The following FARSB variants were observed in gnomAD, a reference collection of about 807,000 sequenced individuals.
FARSB encodes the protein phenylalanine--tRNA ligase beta subunit.
In FARSB, 40 loss-of-function variants were observed where a neutral mutation model predicts 69.6. That is an observed-to-expected ratio of 0.57 (90% CI 0.45 to 0.75). The LOEUF (loss-of-function observed/expected upper bound fraction) is 0.75, where lower values mean the gene tolerates loss of function less well. Ranked by LOEUF, FARSB falls within the 30% of genes least tolerant of loss-of-function variation. The probability of loss-of-function intolerance (pLI) is 0.00; values close to 1 mark genes in which losing one functional copy is unlikely to be tolerated. For missense variants in FARSB, 632 were observed against 722.9 expected, an observed-to-expected ratio of 0.87 and a Z score of 1.44; for synonymous variants, 235 against 247.2, an observed-to-expected ratio of 0.95 and a Z score of 0.46.
chr2:222,571,798 G>A lies in FARSB; in HGVS notation c.*73C>T. On this transcript the variant is annotated 3_prime_UTR_variant, in exon 17 of 17. Transcript: ENST00000281828. ...AAAGCCCAAATAGATGTTCCCTGTG[G>A]AGGAGGACTTAAGGACACTAGGGGA... 2 of 1,290,352 alleles carry A rather than the reference G, an allele frequency of 1.5e-6. No individual in the cohort carries two copies. The highest frequency in any genetic ancestry group is 2.2e-6 in the Non-Finnish European group (2 of 921,462). 79.9% of individuals were successfully genotyped at this position (1,290,352 alleles called of 1,614,324 possible).
chr2:222,646,269 C>G (rs1691853825), intron 2 of FARSB, among the ~76,000 whole-genome samples: 1 of 152,204 alleles, frequency 6.6e-6, no homozygotes, highest in South Asian at 2.1e-4. Context: ...ACTTCTACTT[C>G]CCGGTACTGC....
chr2:222,616,441 G>T (rs1174679813), intron 14 of FARSB, among the ~76,000 whole-genome samples: 1 of 151,800 alleles, frequency 6.6e-6, no homozygotes, highest in East Asian at 1.9e-4. Context: ...CAGCTACTCG[G>T]GAGGCTGAGG....
intron 8 of FARSB, among the ~76,000 whole-genome samples, chr2:222,631,044 T>C (rs1386352998): frequency 6.6e-6 from 1 of 152,180 alleles, no homozygotes; most frequent in Non-Finnish European, 1.5e-5. Context: ...TCATATGTCA[T>C]AGAAAAAGCT....
intron 5 of FARSB, among the ~76,000 whole-genome samples, chr2:222,638,830 G>A (rs993980645): frequency 3.3e-5 from 5 of 151,964 alleles, no homozygotes; most frequent in Non-Finnish European, 1.5e-5. Context: ...CATACCTTTG[G>A]ATCAACATGC....
At chr2:222,601,804 T>C (rs893830196) in intron 15 of FARSB, among the ~76,000 whole-genome samples, 8 of 152,070 alleles carry the variant, frequency 5.3e-5, no homozygotes, top group Admixed American at 2.0e-4. Flanking sequence ...GCTGGGACCA[T>C]AGGCACACGC....
chr2:222,619,398 T>C (rs536816243), intron 14 of FARSB, among the ~76,000 whole-genome samples: 4 of 151,364 alleles, frequency 2.6e-5, no homozygotes, highest in African/African-American at 4.9e-5. Context: ...ACAAGAGAGA[T>C]TGGGCCAGAT....
chr2:222,577,010 A>G (rs1405407678), intron 16 of FARSB, among the ~76,000 whole-genome samples: 1 of 152,204 alleles, frequency 6.6e-6, no homozygotes, highest in Non-Finnish European at 1.5e-5. Context: ...GAGGGCACCG[A>G]TGGACTACAA....
At chr2:222,625,527 C>T (rs1403463805) in intron 10 of FARSB, among the ~76,000 whole-genome samples, 2 of 152,192 alleles carry the variant, frequency 1.3e-5, no homozygotes, top group African/African-American at 4.8e-5. Context: ...CACCTGAGTG[C>T]TCGTGAGAAA....
intron 16 of FARSB, among the ~76,000 whole-genome samples, chr2:222,598,793 T>G (rs1176052115): frequency 6.6e-6 from 1 of 152,032 alleles, no homozygotes; most frequent in Non-Finnish European, 1.5e-5. Flanking sequence ...GTTCCCTCAC[T>G]CATAAAACCG....
chr2:222,581,266 G>A (rs1689962690), intron 16 of FARSB, among the ~76,000 whole-genome samples: 1 of 152,156 alleles, frequency 6.6e-6, no homozygotes, highest in Admixed American at 6.5e-5. Context: ...TTGGATTTCT[G>A]CAATGATGTA....
rs1167902519 is a variant in FARSB, at chr2:222,568,585, A to T, written c.*3286T>A. 6.6e-6 allele frequency: 1 copy of T among 152,252 alleles called. No homozygotes were observed. Among genetic ancestry groups the T allele is most frequent in the Non-Finnish European group, 1.5e-5 (1 of 68,040 alleles). 9.4% of individuals were successfully genotyped at this position (152,252 alleles called of 1,614,324 possible). A position where few individuals can be genotyped will look rare whatever the true frequency, so the allele number is the denominator to read the frequency against. On this transcript the variant is annotated 3_prime_UTR_variant, in exon 17 of 17. Transcript: ENST00000281828. The surrounding 1 kb of genome is among the most constrained non-coding windows in gnomAD (Gnocchi z 4.3). ...CAGAAGAGCAGGCTGGGCGCCTGTA[A>T]TCCCAGCACTTTGGGAGGCAGAGGT...
At chr2:222,629,224 G>A (rs1158815257) in intron 9 of FARSB, among the ~76,000 whole-genome samples, 1 of 151,774 alleles carries the variant, frequency 6.6e-6, no homozygotes, top group East Asian at 1.9e-4. Flanking sequence ...AAAACTGAAA[G>A]AATCACTGAA....
At chr2:222,645,473 T>C (rs114599294) in intron 2 of FARSB, among the ~76,000 whole-genome samples, 44 of 152,300 alleles carry the variant, frequency 2.9e-4, no homozygotes, top group African/African-American at 9.9e-4. Context: ...TAAGGTAAGA[T>C]AATGTACAAT....
chr2:222,579,902 C>T (rs998831213), intron 16 of FARSB, among the ~76,000 whole-genome samples: 6 of 152,174 alleles, frequency 3.9e-5, no homozygotes, highest in African/African-American at 1.2e-4. Context: ...CCTCCCCTGA[C>T]AACTCTAGGG....
intron 15 of FARSB, among the ~76,000 whole-genome samples, chr2:222,606,215 C>G (rs1257002695): frequency 6.6e-6 from 1 of 152,114 alleles, no homozygotes; most frequent in Non-Finnish European, 1.5e-5. Context: ...TTATATCTTG[C>G]TAAGATACTC....
At position 222,571,892 on chromosome 2, in the gene FARSB, G is replaced by C; in HGVS notation, c.1749C>G (p.Ile583Met). ...ELTMPCSSLE[I>M]NVGPFL is the part of the protein sequence containing the mutation. ...ATCTTCACAAAAAGGGTCCAACATT[G>C]ATTTCTAGGGAGGAGCAGGGCATGG... is the stretch of plus-strand genomic sequence containing the variant. Residue 583 changes from isoleucine (I) to methionine (M), a missense_variant, in exon 17 of 17, where the codon ATC becomes ATG. Physicochemically the swap from Ile to Met is conservative, Grantham distance 10. Coordinates refer to ENST00000281828, the MANE Select transcript of FARSB (RefSeq NM_005687.5). 1 of 1,613,140 alleles carries C rather than the reference G, an allele frequency of 6.2e-7. No homozygotes were observed. Among genetic ancestry groups the C allele is most frequent in the South Asian group, 1.1e-5 (1 of 90,934 alleles).
intron 2 of FARSB, among the ~76,000 whole-genome samples, chr2:222,644,130 T>C (rs1191985308): frequency 6.6e-6 from 1 of 152,226 alleles, no homozygotes; most frequent in African/African-American, 2.4e-5. Context: ...GCCCTCCCAC[T>C]GCCACAATAT....
chr2:222,634,383 A>C lies in FARSB; in HGVS notation c.606+8T>G. 1 of 1,541,876 alleles carries C rather than the reference A, an allele frequency of 6.5e-7. No homozygotes were observed. On this transcript the variant is annotated splice_region_variant and intron_variant, in intron 6 of 16. Transcript: ENST00000281828. ...CAAAGCTGCTGCATAATCAAAAAGA[A>C]TATTTACCTTGTATATGTTCATCAG...
At chr2:222,587,847 G>A (rs1690159858) in intron 16 of FARSB, among the ~76,000 whole-genome samples, 1 of 152,168 alleles carries the variant, frequency 6.6e-6, no homozygotes, top group Non-Finnish European at 1.5e-5. Flanking sequence ...AACAGGCTCT[G>A]AAATTGAGGC....
Sources: allele counts gnomAD v4.1 joint callset (sites outside exome capture counted in the v4.1 genomes callset), GRCh38; gene constraint gnomAD v4.1.1; non-coding constraint Gnocchi (gnomAD v3.1); transcripts MANE v1.5; gene names NCBI Gene and HGNC (gene_info 2026-07-23, HGNC 2026-07-21).